Variants in ALK observed in about 807,000 individuals in gnomAD.
ALK encodes the protein ALK receptor tyrosine kinase, also known as ALK tyrosine kinase receptor.
In ALK, 74 loss-of-function variants were observed where a neutral mutation model predicts 163.1. That is an observed-to-expected ratio of 0.45 (90% CI 0.38 to 0.55). The LOEUF (loss-of-function observed/expected upper bound fraction) is 0.55. Ranked by LOEUF, ALK falls within the 20% of genes least tolerant of loss-of-function variation. The probability of loss-of-function intolerance (pLI) is 0.00; values close to 1 mark genes in which losing one functional copy is unlikely to be tolerated. For synonymous variants in ALK, 960 were observed against 843.2 expected, an observed-to-expected ratio of 1.14 and a Z score of -2.40; for missense variants, 2,063 against 2,105.3, an observed-to-expected ratio of 0.98 and a Z score of 0.39.
At chr2:29,386,272 C>T (rs190128700) in intron 4 of ALK, among the ~76,000 whole-genome samples, 162 of 152,308 alleles carry the variant, frequency 1.1e-3, no homozygotes, top group African/African-American at 3.4e-3. Flanking sequence ...ACAATAGATG[C>T]TGTAGAAGGG....
At chr2:29,373,743 TTCCACCTGC>T (rs1158211001) in intron 5 of ALK, among the ~76,000 whole-genome samples, 3 of 152,218 alleles carry the variant, frequency 2.0e-5, no homozygotes, top group Non-Finnish European at 4.4e-5. Context: ...TCCTTCCTGG[TTCCACCTGC>T]TTTGGCCTGA....
At chr2:29,345,130 A>G (rs1183063791) in intron 5 of ALK, among the ~76,000 whole-genome samples, 1 of 152,194 alleles carries the variant, frequency 6.6e-6, no homozygotes, top group Non-Finnish European at 1.5e-5. Context: ...GCAGTGGCTC[A>G]CATCTGTAAT....
chr2:29,545,869 G>A (rs1056936109), intron 3 of ALK, among the ~76,000 whole-genome samples: 1 of 152,172 alleles, frequency 6.6e-6, no homozygotes, highest in African/African-American at 2.4e-5. Context: ...TTAAGATAAT[G>A]AGTTAGTTGT....
At chr2:29,476,238 A>T (rs1280437576) in intron 4 of ALK, among the ~76,000 whole-genome samples, 1 of 152,152 alleles carries the variant, frequency 6.6e-6, no homozygotes, top group Non-Finnish European at 1.5e-5. Context: ...TCCTTCATGC[A>T]TCTGACATAC....
Position 29,335,103 on chromosome 2 carries a change from T to G in ALK, c.1283-6622A>C, listed in dbSNP as rs577355700. Among the ~76,000 whole-genome samples the G allele has an allele frequency of 2.6e-5, 4 of 152,310 alleles. No individual in the cohort carries two copies. In the South Asian group the frequency reaches 8.3e-4, roughly 32 times the overall value. ...GGCTTAGACGTGAAAAGCCAGCTCCTGTTTCCCATTGACACTTCTGATGCC... is the reference window on the plus strand; with the variant it reads ...GGCTTAGACGTGAAAAGCCAGCTCCGGTTTCCCATTGACACTTCTGATGCC... On this transcript the variant is annotated intron_variant, in intron 5 of 28. Transcript: ENST00000389048.
chr2:29,830,953 GAAAAGAAGAAGAAGAAGAAGAAGA>G (rs1438065601), intron 1 of ALK, among the ~76,000 whole-genome samples: 2 of 36,632 alleles, frequency 5.5e-5, no homozygotes, highest in Non-Finnish European at 9.9e-5. Flanking sequence ...AAAAGAAGAA[GAAAAGAAGAAGAAGAAGAAGAAGA>G]AGAAGAAGAA....
intron 1 of ALK, among the ~76,000 whole-genome samples, chr2:29,834,866 A>C (rs974920156): frequency 6.6e-6 from 1 of 152,240 alleles, no homozygotes; most frequent in Non-Finnish European, 1.5e-5. Context: ...CAATTGCAGC[A>C]AAAGAATCAC....
chr2:29,351,139 G>A (rs1047365012), intron 5 of ALK, among the ~76,000 whole-genome samples: 1 of 152,190 alleles, frequency 6.6e-6, no homozygotes, highest in Non-Finnish European at 1.5e-5. Flanking sequence ...ACAGTGTTGG[G>A]AAACACTGAG....
At chr2:29,524,103 T>C (rs1243981262) in intron 4 of ALK, among the ~76,000 whole-genome samples, 1 of 152,152 alleles carries the variant, frequency 6.6e-6, no homozygotes, top group Non-Finnish European at 1.5e-5. Flanking sequence ...TCTTCTGTGA[T>C]CTTGAACGGG....
chr2:29,615,078 C>G (rs968590093), intron 3 of ALK, among the ~76,000 whole-genome samples: 3 of 152,144 alleles, frequency 2.0e-5, no homozygotes, highest in Non-Finnish European at 4.4e-5. Context: ...CCCAACCTCC[C>G]GAAGTACTGG....
intron 4 of ALK, among the ~76,000 whole-genome samples, chr2:29,443,791 G>C (rs74805350): frequency 6.6e-6 from 1 of 152,212 alleles, no homozygotes; most frequent in African/African-American, 2.4e-5. Context: ...AATCAGGAAG[G>C]AAGAGGAGGC....
At position 29,583,949 on chromosome 2, in the gene ALK, G is replaced by C. The variant is rs148400366; in HGVS notation, c.953-51833C>G. On this transcript the variant is annotated intron_variant, in intron 3 of 28. Transcript: ENST00000389048. ...CTATCAACAGTCACCACTTTCTCCA[G>C]CTCTGCATCTTGAACACTCTTTCCC... Among the ~76,000 whole-genome samples, 23 of 151,770 alleles carry C rather than the reference G, an allele frequency of 1.5e-4. No homozygotes were observed. The East Asian group carries it at 4.5e-3, about 30-fold the overall frequency.
chr2:29,396,962 G>A (rs1573316923), intron 4 of ALK, among the ~76,000 whole-genome samples: 1 of 150,084 alleles, frequency 6.7e-6, no homozygotes, highest in African/African-American at 2.4e-5. Context: ...CAAGGGCAAG[G>A]AGTGCCAAAC....
chr2:29,297,174 G>T, intron 8 of ALK, 117 bp from the exon 9 acceptor site: 2 of 1,183,000 alleles, frequency 1.7e-6, no homozygotes, highest in Non-Finnish European at 1.2e-6. Context: ...TCAGCCTGGT[G>T]AGAAGAGCTG....
intron 25 of ALK, among the ~76,000 whole-genome samples, chr2:29,207,592 T>C (rs1390801562): frequency 6.6e-6 from 1 of 152,258 alleles, no homozygotes; most frequent in African/African-American, 2.4e-5. Flanking sequence ...TGAATAACAT[T>C]ACTCCAACCT....
chr2:29,613,959 G>A (rs1437715361), intron 3 of ALK, among the ~76,000 whole-genome samples: 1 of 152,148 alleles, frequency 6.6e-6, no homozygotes, highest in East Asian at 1.9e-4. Context: ...TGAAACAGGA[G>A]CCAGTGTTTC....
At chr2:29,467,689 C>G (rs1048552960) in intron 4 of ALK, among the ~76,000 whole-genome samples, 1 of 152,146 alleles carries the variant, frequency 6.6e-6, no homozygotes, top group Non-Finnish European at 1.5e-5. Context: ...AAGATTAAAG[C>G]TCTTCTCATA....
rs371397667 is a variant in ALK at position 29,239,850 on chromosome 2, G to T, written c.2205-20C>A. 2 of 1,610,700 alleles carry T rather than the reference G, an allele frequency of 1.2e-6. No homozygotes were observed. The highest frequency in any genetic ancestry group is 4.5e-5 in the East Asian group (2 of 44,852). ...GAGATGCTGCAATGGGACAAAGAACGTTGGCTCCCGCTGTGGTATGAAGAC... is the reference window on the plus strand; with the variant it reads ...GAGATGCTGCAATGGGACAAAGAACTTTGGCTCCCGCTGTGGTATGAAGAC... On this transcript the variant is annotated intron_variant, in intron 12 of 28. Transcript: ENST00000389048.
rs563780991 is a variant in ALK at position 29,783,326 on chromosome 2, C to G, written c.668-65629G>C. Reference sequence around the variant, plus strand: ...GCCTGGAATACTGAAAGGGCCTAGGCAACAATGTTCAATTATGTGTCAAGT... The same window carrying G: ...GCCTGGAATACTGAAAGGGCCTAGGGAACAATGTTCAATTATGTGTCAAGT... On this transcript the variant is annotated intron_variant, in intron 1 of 28. Coordinates refer to ENST00000389048, the MANE Select transcript of ALK (RefSeq NM_004304.5). 7.9e-5 allele frequency among the ~76,000 whole-genome samples: 12 copies of G among 152,276 alleles called. 1 individual carries two copies. The South Asian group carries it at 2.5e-3, about 32-fold the overall frequency.
Sources: gnomAD v4.1 joint callset for allele counts (sites outside exome capture counted in the v4.1 genomes callset) on GRCh38, gnomAD v4.1.1 for gene constraint, MANE v1.5 for transcripts, NCBI Gene and HGNC (gene_info 2026-07-23, HGNC 2026-07-21) for gene names.